The following ATF7 variants were observed in gnomAD, a reference collection of about 807,000 sequenced individuals.
The protein encoded by ATF7 is activating transcription factor 7.
In ATF7, 10 loss-of-function variants were observed where a neutral mutation model predicts 50.4. The observed-to-expected ratio is 0.20, with a 90% CI of 0.12 to 0.34. The LOEUF (loss-of-function observed/expected upper bound fraction) is 0.34, where lower values mean the gene tolerates loss of function less well. ATF7 is among the 10% of genes least tolerant of loss of function. The pLI, the probability that ATF7 is intolerant of heterozygous loss-of-function variation, is 1.00. For missense variants in ATF7, 465 were observed against 613.9 expected (o/e 0.76, Z 2.56); for synonymous variants, 201 against 226.4 (o/e 0.89, Z 1.01).
chr12:53,609,304 G>A (rs992055342), intron 1 of ATF7, among the ~76,000 whole-genome samples: 2 of 151,636 alleles, frequency 1.3e-5, no homozygotes, highest in Admixed American at 6.6e-5. Context: ...ACAGGCATGC[G>A]CCACCACATG....
At chr12:53,563,561 G>A (rs1055044874) in intron 2 of ATF7, among the ~76,000 whole-genome samples, 4 of 152,190 alleles carry the variant, frequency 2.6e-5, no homozygotes, top group African/African-American at 9.7e-5. Context: ...AGGTTGCAGT[G>A]AGCCAAGATT....
At chr12:53,558,150 G>C (rs1230519476) in intron 2 of ATF7, among the ~76,000 whole-genome samples, 1 of 152,174 alleles carries the variant, frequency 6.6e-6, no homozygotes, top group Admixed American at 6.6e-5. Context: ...ATGCAGTTTA[G>C]AGTATGTGGC....
intron 9 of ATF7, among the ~76,000 whole-genome samples, chr12:53,531,062 G>T (rs1938845256): frequency 6.6e-6 from 1 of 152,074 alleles, no homozygotes; most frequent in African/African-American, 2.4e-5. Context: ...TTACTGTGTG[G>T]CTTGAAGTAA....
intron 3 of ATF7, among the ~76,000 whole-genome samples, chr12:53,544,412 T>C (rs754913835): frequency 6.6e-6 from 1 of 152,182 alleles, no homozygotes; most frequent in Non-Finnish European, 1.5e-5. Flanking sequence ...TACAGAACAA[T>C]GTTTAAATGA....
chr12:53,569,127 G>C (rs1466249144), intron 2 of ATF7, among the ~76,000 whole-genome samples: 1 of 152,120 alleles, frequency 6.6e-6, no homozygotes, highest in Non-Finnish European at 1.5e-5. Context: ...AGCTATGATT[G>C]TGCCACTGCA....
chr12:53,615,675 A>G (rs573706718), intron 1 of ATF7, among the ~76,000 whole-genome samples: 2 of 152,212 alleles, frequency 1.3e-5, no homozygotes, highest in Admixed American at 1.3e-4. Context: ...GGAGTTTTAG[A>G]TCCCTGGGCA....
intron 2 of ATF7, among the ~76,000 whole-genome samples, chr12:53,559,545 G>A (rs1232280608): frequency 6.6e-6 from 1 of 152,140 alleles, no homozygotes; most frequent in African/African-American, 2.4e-5. Flanking sequence ...TGCGTGTGGA[G>A]GCGCGTGCCT....
intron 2 of ATF7, among the ~76,000 whole-genome samples, chr12:53,560,201 C>A (rs1941020893): frequency 6.6e-6 from 1 of 152,008 alleles, no homozygotes; most frequent in Non-Finnish European, 1.5e-5. Context: ...GGATTACAGG[C>A]ATGAGCCACC....
At chr12:53,561,092 C>A (rs147013740) in intron 2 of ATF7, among the ~76,000 whole-genome samples, 1 of 151,606 alleles carries the variant, frequency 6.6e-6, no homozygotes, top group Non-Finnish European at 1.5e-5. Flanking sequence ...ACTACAGGTT[C>A]GCACCACCAT....
intron 1 of ATF7, among the ~76,000 whole-genome samples, chr12:53,607,506 T>A (rs1052787203): frequency 8.5e-5 from 13 of 152,168 alleles, no homozygotes; most frequent in Non-Finnish European, 1.2e-4. Context: ...ACCACAGTCA[T>A]CTTTATGACC....
chr12:53,599,476 T>A, intron 2 of ATF7, among the ~76,000 whole-genome samples: 1 of 151,484 alleles, frequency 6.6e-6, no homozygotes, highest in Non-Finnish European at 1.5e-5. Flanking sequence ...ATATTCTATA[T>A]ATATATATGA....
At chr12:53,540,516 G>C (rs1005059228) in intron 4 of ATF7, among the ~76,000 whole-genome samples, 2 of 151,850 alleles carry the variant, frequency 1.3e-5, no homozygotes, top group Non-Finnish European at 2.9e-5. Context: ...TTGAGCTCAG[G>C]AGTTTGAGAC....
At chr12:53,580,211 G>A (rs1267671890) in intron 2 of ATF7, among the ~76,000 whole-genome samples, 4 of 149,990 alleles carry the variant, frequency 2.7e-5, no homozygotes, top group Middle Eastern at 3.4e-3. Context: ...AATTACAGGC[G>A]TGAGCTACCA....
At chr12:53,533,833 C>A (rs975760415) in intron 6 of ATF7, among the ~76,000 whole-genome samples, 1 of 152,220 alleles carries the variant, frequency 6.6e-6, no homozygotes, top group Non-Finnish European at 1.5e-5. Flanking sequence ...AGAACCCTAA[C>A]TGGGACTGAG....
At chr12:53,625,443 T>A (rs900324442) in intron 1 of ATF7, among the ~76,000 whole-genome samples, 3 of 152,166 alleles carry the variant, frequency 2.0e-5, no homozygotes, top group Admixed American at 1.3e-4. Flanking sequence ...GCTAAAGACA[T>A]GTGTATATCA....
At chr12:53,533,560 G>A (rs1423394975) in intron 6 of ATF7, among the ~76,000 whole-genome samples, 1 of 152,226 alleles carries the variant, frequency 6.6e-6, no homozygotes, top group African/African-American at 2.4e-5. Flanking sequence ...CTTGCCTTGG[G>A]AAAGGGGAAG....
intron 1 of ATF7, among the ~76,000 whole-genome samples, chr12:53,606,296 G>T (rs2137851235): frequency 6.6e-6 from 1 of 152,114 alleles, no homozygotes; most frequent in Non-Finnish European, 1.5e-5. Flanking sequence ...CCAGGTTAGA[G>T]TGAGTGCAAT....
chr12:53,556,374 A>G (rs1274832239), intron 2 of ATF7, among the ~76,000 whole-genome samples: 4 of 152,230 alleles, frequency 2.6e-5, no homozygotes, highest in Admixed American at 2.6e-4. Flanking sequence ...GGATCGCTTG[A>G]GCGCAGGAGT....
intron 11 of ATF7, chr12:53,523,026 T>A (rs988118491): frequency 2.6e-6 from 1 of 390,468 alleles, no homozygotes; most frequent in Non-Finnish European, 4.7e-6. Flanking sequence ...GACTGTAGCA[T>A]GCCTAACACA....
Sources: allele counts gnomAD v4.1 joint callset (sites outside exome capture counted in the v4.1 genomes callset), GRCh38; gene constraint gnomAD v4.1.1; transcripts MANE v1.5; gene names NCBI Gene and HGNC (gene_info 2026-07-23, HGNC 2026-07-21).